The following RASA3 variants were observed in gnomAD, a reference collection of about 807,000 sequenced individuals.
The protein encoded by RASA3 is RAS p21 protein activator 3.
Under a neutral mutation model 110.0 loss-of-function variants are expected in RASA3, and 73 were observed. The ratio of observed to expected loss-of-function variants is 0.66; its 90% CI spans 0.55 to 0.81. RASA3 has a LOEUF of 0.81. Among genes scored for constraint, RASA3 ranks in the 30% least tolerant of loss-of-function variants. The pLI is 0.00. For synonymous variants in RASA3, 500 were observed against 451.4 expected, an observed-to-expected ratio of 1.11 and a Z score of -1.37; for missense variants, 976 against 1,113.2, an observed-to-expected ratio of 0.88 and a Z score of 1.75.
chr13:114,015,128 G>A (rs1480292946), intron 14 of RASA3, 81 bp downstream of exon 14: 2 of 1,565,146 alleles, frequency 1.3e-6, no homozygotes, highest in Admixed American at 3.4e-5. Flanking sequence ...CAGGGCTGCG[G>A]GGGGTTCTGC....
intron 1 of RASA3, among the ~76,000 whole-genome samples, chr13:114,092,083 C>T (rs1331231350): frequency 1.3e-5 from 2 of 151,426 alleles, no homozygotes; most frequent in African/African-American, 4.9e-5. Context: ...CTTAGTCTAG[C>T]TAGAGCTTTG....
chr13:114,064,410 G>C (rs545568945), intron 2 of RASA3, among the ~76,000 whole-genome samples: 1 of 152,310 alleles, frequency 6.6e-6, no homozygotes, highest in Non-Finnish European at 1.5e-5. Flanking sequence ...GGGGACTCCA[G>C]GCTCAGCCTG....
At chr13:114,040,909 T>C in intron 4 of RASA3, 91 bp downstream of exon 4, 1 of 1,229,286 alleles carries the variant, frequency 8.1e-7, no homozygotes, top group Non-Finnish European at 1.2e-6. Flanking sequence ...AAGCCCGATC[T>C]ACGTCTTTAG....
chr13:114,117,561 G>A (rs2080304485), intron 1 of RASA3, among the ~76,000 whole-genome samples: 1 of 146,430 alleles, frequency 6.8e-6, no homozygotes, highest in African/African-American at 2.6e-5. Context: ...GCACGTGTGT[G>A]AGGGGTGCAT....
chr13:113,996,429 G>A lies in RASA3; in HGVS notation c.2141+102C>T, dbSNP rs1385309990. ...GCGAGGGCAGCCCTGTTTATGTGCA[G>A]CTTACAGGCAGGCATGCACTGTCTG... On this transcript the variant is annotated intron_variant, in intron 21 of 23. Transcript: ENST00000334062. The A allele has an allele frequency of 3.3e-6, 4 of 1,207,190 alleles. No homozygotes were observed. The African/African-American group carries it at 6.0e-5, about 18-fold the overall frequency. 74.8% of individuals were successfully genotyped at this position (1,207,190 alleles called of 1,614,324 possible). A position where few individuals can be genotyped will look rare whatever the true frequency, so the allele number is the denominator to read the frequency against.
intron 7 of RASA3, among the ~76,000 whole-genome samples, chr13:114,026,114 C>T (rs1049759946): frequency 2.6e-5 from 4 of 152,228 alleles, no homozygotes; most frequent in East Asian, 1.9e-4. Context: ...CTGAGACCCA[C>T]GTCTTTACAG....
Position 114,011,246 on chromosome 13 carries a change from G to C in RASA3, c.1515C>G (p.Asp505Glu). 3 of 1,612,194 alleles carry C rather than the reference G, an allele frequency of 1.9e-6. No homozygotes were observed. The highest frequency in any genetic ancestry group is 3.3e-5 in the Admixed American group (2 of 59,934). Reference sequence around the variant, plus strand: ...ATGTCAGCGTCCTGGACGTCTGGGGGTCCTGGGGAGGCGGGAGCAAGAAAG... The same window carrying C: ...ATGTCAGCGTCCTGGACGTCTGGGGCTCCTGGGGAGGCGGGAGCAAGAAAG... The part of the protein sequence containing the change: ...NLFQLTPHHT[D>E]PQTSRTLTLI... The change falls in exon 16 of 24, where the codon GAC becomes GAG. Residue 505 changes from aspartate to glutamate, a missense_variant and splice_region_variant. By Grantham distance (45) the Asp-to-Glu change is conservative. Around this residue, in one of 4 missense-constraint regions of RASA3, gnomAD observed 732 missense variants for 779.7 expected, o/e 0.94. Coordinates refer to ENST00000334062, the MANE Select transcript of RASA3 (RefSeq NM_007368.4). This position sits in a 1 kb window ranked among gnomAD's most constrained non-coding sequence, Gnocchi z 4.8.
At chr13:114,023,938 C>A (rs929558178) in intron 8 of RASA3, among the ~76,000 whole-genome samples, 1 of 152,186 alleles carries the variant, frequency 6.6e-6, no homozygotes, top group Non-Finnish European at 1.5e-5. Context: ...CCGCCAGGCC[C>A]TGCGACCTCT....
At chr13:114,091,588 A>G (rs1411656403) in intron 1 of RASA3, among the ~76,000 whole-genome samples, 1 of 150,922 alleles carries the variant, frequency 6.6e-6, no homozygotes, top group African/African-American at 2.4e-5. Context: ...TGGTCTTTCT[A>G]ATGTGCTGCT....
rs2079259379 is a variant in RASA3, at chr13:114,057,164, C to T, written c.174-5009G>A. The T allele has an allele frequency of 8.3e-6, 8 of 967,802 alleles. No homozygotes were observed. Among genetic ancestry groups the T allele is most frequent in the Admixed American group, 6.2e-5 (1 of 16,252 alleles). The allele number at this position is 967,802 out of a possible 1,614,324, so 60.0% of individuals were successfully genotyped here. ...TCGTTTATTCTAGTGGTTCCAATTG[C>T]CTATTTTAATGTTTTTCTTCTTATT... On this transcript the variant is annotated intron_variant, in intron 2 of 23. Coordinates refer to ENST00000334062, the MANE Select transcript of RASA3 (RefSeq NM_007368.4). The surrounding 1 kb of genome is among the most constrained non-coding windows in gnomAD (Gnocchi z 5.0).
At chr13:114,094,898 A>G (rs974844467) in intron 1 of RASA3, among the ~76,000 whole-genome samples, 1 of 152,168 alleles carries the variant, frequency 6.6e-6, no homozygotes, top group Non-Finnish European at 1.5e-5. Context: ...ATCTCCTCTC[A>G]TATCCCGCCC....
intron 4 of RASA3, among the ~76,000 whole-genome samples, chr13:114,031,482 CTG>C (rs1341532700): frequency 1.3e-5 from 2 of 150,032 alleles, no homozygotes; most frequent in African/African-American, 2.5e-5. Context: ...GCATGTCCTT[CTG>C]TGTGTGTGCG....
In RASA3 at chr13:114,021,391, A is replaced by C; in HGVS notation, c.785+13T>G. 3 of 1,611,690 alleles carry C rather than the reference A, an allele frequency of 1.9e-6. No homozygotes were observed. The highest frequency in any genetic ancestry group is 2.5e-6 in the Non-Finnish European group (3 of 1,178,080). Reference sequence around the variant, plus strand: ...CAGAGATGCGGAAGTCTGCAGGTGCAACATCATCTTACCACGCCTCGTAGG... The same window carrying C: ...CAGAGATGCGGAAGTCTGCAGGTGCCACATCATCTTACCACGCCTCGTAGG... On this transcript the variant is annotated intron_variant, in intron 9 of 23. Coordinates refer to ENST00000334062, the MANE Select transcript of RASA3 (RefSeq NM_007368.4).
rs192363298 is a variant in RASA3, at chr13:114,096,392, G to A, written c.56-22555C>T. Among the ~76,000 whole-genome samples the A allele has an allele frequency of 5.3e-5, 8 of 152,278 alleles. No homozygotes were observed. The highest frequency in any genetic ancestry group is 1.4e-4 in the African/African-American group (6 of 41,552). ...TGTCCGACACTGGGTGATTCTGCAC[G>A]CCCGGCTCGGAACCCTGTGCATTGC... is the stretch of plus-strand genomic sequence containing the variant. On this transcript the variant is annotated intron_variant, in intron 1 of 23. Transcript: ENST00000334062. The surrounding 1 kb of genome is among the most constrained non-coding windows in gnomAD (Gnocchi z 5.1).
chr13:114,056,466 G>A lies in RASA3; in HGVS notation c.174-4311C>T, dbSNP rs2079247433. 2 of 985,282 alleles carry A rather than the reference G, an allele frequency of 2.0e-6. No individual in the cohort carries two copies. Among genetic ancestry groups the A allele is most frequent in the South Asian group, 4.7e-5 (1 of 21,294 alleles). 61.0% of individuals were successfully genotyped at this position (985,282 alleles called of 1,614,324 possible). On this transcript the variant is annotated intron_variant, in intron 2 of 23. Coordinates refer to ENST00000334062, the MANE Select transcript of RASA3 (RefSeq NM_007368.4). The surrounding 1 kb of genome is among the most constrained non-coding windows in gnomAD (Gnocchi z 5.7). ...TGAAACGAAACTAACCCCAGGGCTTGGGCAGCAGGGCTGAGAGTGCGGCGT... is the reference window on the plus strand; with the variant it reads ...TGAAACGAAACTAACCCCAGGGCTTAGGCAGCAGGGCTGAGAGTGCGGCGT...
chr13:114,093,726 G>GGA (rs2079912536), intron 1 of RASA3, among the ~76,000 whole-genome samples: 5 of 151,816 alleles, frequency 3.3e-5, no homozygotes, highest in Admixed American at 2.6e-4. Context: ...GATCTTGTAA[G>GGA]CTTTCTTCAT....
At chr13:114,123,809 G>A (rs554553131) in intron 1 of RASA3, among the ~76,000 whole-genome samples, 59 of 152,298 alleles carry the variant, frequency 3.9e-4, no homozygotes, top group Non-Finnish European at 6.9e-4. Flanking sequence ...TCTGGTCGGT[G>A]GTCAGAAAAA....
At chr13:114,107,778 CA>C (rs2080154754) in intron 1 of RASA3, 1 of 152,268 alleles carries the variant, frequency 6.6e-6, no homozygotes, top group Admixed American at 6.5e-5. Context: ...CCTGCAAAAG[CA>C]GGATGAATCA....
At chr13:113,998,125 G>A (rs916893891) in intron 20 of RASA3, among the ~76,000 whole-genome samples, 1 of 152,172 alleles carries the variant, frequency 6.6e-6, no homozygotes, top group Non-Finnish European at 1.5e-5. Flanking sequence ...GAATTATTGG[G>A]AATCTATGTG....
Sources: allele counts gnomAD v4.1 joint callset (sites outside exome capture counted in the v4.1 genomes callset), GRCh38; gene constraint gnomAD v4.1.1; regional missense constraint gnomAD v4.1.1; non-coding constraint Gnocchi (gnomAD v3.1); transcripts MANE v1.5; gene names NCBI Gene and HGNC (gene_info 2026-07-23, HGNC 2026-07-21).